The following GPC5 variants were observed in gnomAD, a reference collection of about 807,000 sequenced individuals.
GPC5 encodes the protein glypican-5.
GPC5 carries 47 observed loss-of-function variants against 53.9 expected under a neutral mutation model. That is an observed-to-expected ratio of 0.87 (90% CI 0.69 to 1.11). The LOEUF is 1.11. GPC5 is among the 50% of genes most tolerant of loss of function. GPC5 has a pLI of 0.00. For synonymous variants in GPC5, 286 were observed against 263.3 expected (o/e 1.09, Z -0.84); for missense variants, 748 against 713.1 (o/e 1.05, Z -0.56).
chr13:92,202,943 G>GA (rs527632010), intron 7 of GPC5, among the ~76,000 whole-genome samples: 4 of 151,382 alleles, frequency 2.6e-5, no homozygotes, highest in African/African-American at 4.9e-5. Flanking sequence ...TAATTTACAA[G>GA]AAAAAAAATT....
intron 7 of GPC5, among the ~76,000 whole-genome samples, chr13:92,701,886 A>AGTCT (rs1237267464): frequency 3.3e-5 from 5 of 152,302 alleles, no homozygotes; most frequent in African/African-American, 1.2e-4. Context: ...AGCTAATTCC[A>AGTCT]GTCTCTGAAC....
intron 6 of GPC5, among the ~76,000 whole-genome samples, chr13:91,951,811 T>G (rs1245711968): frequency 3.3e-5 from 5 of 152,088 alleles, no homozygotes; most frequent in African/African-American, 9.7e-5. Context: ...GTCTAAAAAA[T>G]GTATGTTGCT....
intron 7 of GPC5, among the ~76,000 whole-genome samples, chr13:92,530,218 T>A (rs1566278552): frequency 2.0e-5 from 3 of 152,194 alleles, no homozygotes; most frequent in African/African-American, 7.2e-5. Flanking sequence ...TATTATATAA[T>A]AAACACACAA....
At chr13:92,623,815 A>G (rs1884955648) in intron 7 of GPC5, among the ~76,000 whole-genome samples, 1 of 151,720 alleles carries the variant, frequency 6.6e-6, no homozygotes, top group Non-Finnish European at 1.5e-5. Context: ...AATTATTCTT[A>G]GTCATTTCCC....
rs756092926 is a variant in GPC5 at position 92,252,126 on chromosome 13, C to A, written c.1561+107137C>A. ...AGCAACATTGAATTGAGGTAGCACT[C>A]AAGACTGAGAAAGCATTAGTGACAC... is the stretch of plus-strand genomic sequence containing the variant. On this transcript the variant is annotated intron_variant, in intron 7 of 7. Coordinates refer to ENST00000377067, the MANE Select transcript of GPC5 (RefSeq NM_004466.6). Among the ~76,000 whole-genome samples, 5 of 152,044 alleles carry A rather than the reference C, an allele frequency of 3.3e-5. No homozygotes were observed. The South Asian group carries it at 1.0e-3, about 32-fold the overall frequency.
At chr13:92,167,444 G>C (rs924425380) in intron 7 of GPC5, among the ~76,000 whole-genome samples, 1 of 151,998 alleles carries the variant, frequency 6.6e-6, no homozygotes, top group Non-Finnish European at 1.5e-5. Context: ...CAATGCAAAT[G>C]ATTGAAGCTG....
chr13:92,116,235 G>A (rs925852828), intron 6 of GPC5, among the ~76,000 whole-genome samples: 1 of 150,326 alleles, frequency 6.7e-6, no homozygotes, highest in Non-Finnish European at 1.5e-5. Context: ...GTGACAGAGC[G>A]AGACCCTGTC....
At chr13:92,800,942 A>G (rs1876879835) in intron 7 of GPC5, among the ~76,000 whole-genome samples, 1 of 151,742 alleles carries the variant, frequency 6.6e-6, no homozygotes, top group African/African-American at 2.4e-5. Flanking sequence ...GTGTCAACAG[A>G]TATTACAAAC....
At chr13:92,463,568 A>G (rs1350599387) in intron 7 of GPC5, among the ~76,000 whole-genome samples, 3 of 151,596 alleles carry the variant, frequency 2.0e-5, no homozygotes, top group Non-Finnish European at 4.4e-5. Context: ...TGATCTTTAA[A>G]CTATTTTTGC....
At chr13:92,813,167 G>A (rs546122086) in intron 7 of GPC5, among the ~76,000 whole-genome samples, 2 of 151,892 alleles carry the variant, frequency 1.3e-5, no homozygotes, top group African/African-American at 4.8e-5. Flanking sequence ...TGTAATTCTG[G>A]CTGGTCAGAA....
At position 92,675,643 on chromosome 13, in the gene GPC5, A is replaced by G. The variant is rs926594753; in HGVS notation, c.1562-190639A>G. ...ATGCCATTTTTTCAACTCCAAATAA[A>G]TAGAAACAGCTATAGGACTAAAGTT... On this transcript the variant is annotated intron_variant, in intron 7 of 7. Transcript: ENST00000377067. Among the ~76,000 whole-genome samples, 12 of 152,164 alleles carry G rather than the reference A, an allele frequency of 7.9e-5. No individual in the cohort carries two copies. The East Asian group carries it at 2.3e-3, about 29-fold the overall frequency.
chr13:92,385,803 G>GTA (rs66626865), intron 7 of GPC5, among the ~76,000 whole-genome samples: 1 of 138,918 alleles, frequency 7.2e-6, no homozygotes, highest in Non-Finnish European at 1.6e-5. Flanking sequence ...ACATATATAC[G>GTA]TATATATATA....
At chr13:92,851,753 G>A (rs1354992740) in intron 7 of GPC5, among the ~76,000 whole-genome samples, 1 of 151,440 alleles carries the variant, frequency 6.6e-6, no homozygotes, top group Admixed American at 6.6e-5. Flanking sequence ...GCCAGGCGTG[G>A]TGGTGGGTGC....
chr13:92,036,258 T>A (rs1398740529), intron 6 of GPC5, among the ~76,000 whole-genome samples: 2 of 152,220 alleles, frequency 1.3e-5, no homozygotes, highest in African/African-American at 4.8e-5. Context: ...GCTATTTATC[T>A]GTTTCATGTT....
chr13:91,840,759 TA>T (rs201241947), intron 5 of GPC5, among the ~76,000 whole-genome samples: 18 of 150,880 alleles, frequency 1.2e-4, no homozygotes, highest in Non-Finnish European at 2.1e-4. Flanking sequence ...TTTTTTTTTT[TA>T]AAAAACATGT....
intron 3 of GPC5, among the ~76,000 whole-genome samples, chr13:91,721,693 T>C (rs184085743): frequency 2.9e-4 from 44 of 152,300 alleles, no homozygotes; most frequent in African/African-American, 1.0e-3. Flanking sequence ...GTGGCCTTTC[T>C]TTCTCTTCTA....
chr13:91,706,471 C>T (rs2036108384), intron 3 of GPC5, among the ~76,000 whole-genome samples: 1 of 152,022 alleles, frequency 6.6e-6, no homozygotes, highest in African/African-American at 2.4e-5. Context: ...CTTGATTGTG[C>T]TGTTTATTCC....
chr13:92,499,126 T>G (rs1479144304), intron 7 of GPC5, among the ~76,000 whole-genome samples: 1 of 152,078 alleles, frequency 6.6e-6, no homozygotes, highest in Admixed American at 6.6e-5. Context: ...GATGTAAGAA[T>G]AGGACTCATA....
rs181122600 is a variant in GPC5, at chr13:92,096,256, A to C, written c.1402-48574A>C. ...GCCGACTCCACTAACTCTCCCCCTT[A>C]GGGTTTTCCTATAACTATCTCTGCC... On this transcript the variant is annotated intron_variant, in intron 6 of 7. Transcript: ENST00000377067. Among the ~76,000 whole-genome samples, 160 of 152,310 alleles carry C rather than the reference A, an allele frequency of 1.1e-3. 2 individuals are homozygous for C. The highest frequency in any genetic ancestry group is 3.4e-3 in the African/African-American group (143 of 41,564).
Sources: allele counts gnomAD v4.1 joint callset (sites outside exome capture counted in the v4.1 genomes callset), GRCh38; gene constraint gnomAD v4.1.1; transcripts MANE v1.5; gene names NCBI Gene and HGNC (gene_info 2026-07-23, HGNC 2026-07-21).